The following DLG2 variants were observed in gnomAD, a reference collection of about 807,000 sequenced individuals.
DLG2 encodes discs large MAGUK scaffold protein 2, also known as disks large homolog 2.
DLG2 carries 45 observed loss-of-function variants against 132.5 expected under a neutral mutation model. The ratio of observed to expected loss-of-function variants is 0.34; its 90% CI spans 0.27 to 0.44. The LOEUF (loss-of-function observed/expected upper bound fraction) is 0.44. Ranked by LOEUF, DLG2 falls within the 20% of genes least tolerant of loss-of-function variation. The pLI, the probability that DLG2 is intolerant of heterozygous loss-of-function variation, is 1.00. For missense variants in DLG2, 1,045 were observed against 1,196.9 expected (o/e 0.87, Z 1.87); for synonymous variants, 424 against 419.6 (o/e 1.01, Z -0.13).
At chr11:83,882,694 G>A (rs2066618875) in intron 15 of DLG2, among the ~76,000 whole-genome samples, 1 of 152,118 alleles carries the variant, frequency 6.6e-6, no homozygotes, top group African/African-American at 2.4e-5. Context: ...AAGACATGCA[G>A]GCAGTTTTTT....
At chr11:83,681,060 A>C (rs2078702648) in intron 18 of DLG2, among the ~76,000 whole-genome samples, 1 of 152,204 alleles carries the variant, frequency 6.6e-6, no homozygotes. Context: ...TTGCCAGTGA[A>C]ATAAAGCAAA....
intron 6 of DLG2, among the ~76,000 whole-genome samples, chr11:84,719,012 A>G (rs1012351762): frequency 6.6e-6 from 1 of 152,230 alleles, no homozygotes; most frequent in Non-Finnish European, 1.5e-5. Flanking sequence ...CATGAAAGAC[A>G]TAACCAGAGA....
intron 14 of DLG2, among the ~76,000 whole-genome samples, chr11:83,958,995 T>C (rs981796951): frequency 1.3e-5 from 2 of 152,148 alleles, no homozygotes; most frequent in Non-Finnish European, 2.9e-5. Flanking sequence ...CAGTCTATAA[T>C]GCCTGAGACA....
At chr11:84,463,736 A>T (rs954316581) in intron 7 of DLG2, among the ~76,000 whole-genome samples, 4 of 151,200 alleles carry the variant, frequency 2.6e-5, no homozygotes, top group Non-Finnish European at 5.9e-5. Flanking sequence ...TGCTGGATGA[A>T]ACAAGGAATG....
intron 6 of DLG2, among the ~76,000 whole-genome samples, chr11:84,835,136 G>C (rs1347582662): frequency 6.6e-6 from 1 of 151,574 alleles, no homozygotes; most frequent in African/African-American, 2.4e-5. Context: ...TATTATTTAG[G>C]AAATTCTGTT....
chr11:83,682,028 G>C (rs994614419), intron 18 of DLG2: 2 of 579,030 alleles, frequency 3.5e-6, no homozygotes, highest in African/African-American at 4.1e-5. Context: ...TCGTTAAAAG[G>C]AAATTGTGGA....
intron 3 of DLG2, among the ~76,000 whole-genome samples, chr11:85,479,016 G>T (rs553424195): frequency 6.6e-6 from 1 of 152,100 alleles, no homozygotes; most frequent in Non-Finnish European, 1.5e-5. Context: ...TGAAGAAAAA[G>T]ATTTCTTAAG....
chr11:84,703,914 G>GTA (rs2059506214), intron 6 of DLG2, among the ~76,000 whole-genome samples: 2 of 141,474 alleles, frequency 1.4e-5, no homozygotes, highest in African/African-American at 5.4e-5. Context: ...GTGTGTGTGT[G>GTA]TGTATTTATA....
At chr11:84,690,606 T>C (rs2057921261) in intron 6 of DLG2, among the ~76,000 whole-genome samples, 2 of 151,950 alleles carry the variant, frequency 1.3e-5, no homozygotes, top group Admixed American at 1.3e-4. Flanking sequence ...TATCACTTAA[T>C]GGCAGCTATT....
At chr11:84,535,065 G>A (rs373431747) in intron 6 of DLG2, among the ~76,000 whole-genome samples, 1 of 152,174 alleles carries the variant, frequency 6.6e-6, no homozygotes, top group Non-Finnish European at 1.5e-5. Context: ...CCTGACCAGA[G>A]TAGCTAAGTA....
chr11:85,392,545 G>T (rs111890766), intron 3 of DLG2, among the ~76,000 whole-genome samples: 7 of 151,938 alleles, frequency 4.6e-5, no homozygotes, highest in Admixed American at 1.3e-4. Flanking sequence ...AAATCTGGAG[G>T]CATCATACTA....
At chr11:84,157,599 ACT>A (rs1458509005) in intron 9 of DLG2, among the ~76,000 whole-genome samples, 5 of 151,668 alleles carry the variant, frequency 3.3e-5, no homozygotes, top group Non-Finnish European at 5.9e-5. Flanking sequence ...TCTGGCTTTC[ACT>A]CTCTTTTACA....
intron 6 of DLG2, among the ~76,000 whole-genome samples, chr11:84,941,471 C>A (rs2049409708): frequency 6.6e-6 from 1 of 152,048 alleles, no homozygotes. Flanking sequence ...TTTTCAGCAT[C>A]AATTAAAAGG....
intron 11 of DLG2, among the ~76,000 whole-genome samples, chr11:84,013,297 G>A (rs78112541): frequency 0.021 from 3,244 of 152,158 alleles, 89 homozygotes; most frequent in African/African-American, 0.066. Context: ...ATGGCACTAA[G>A]CTTCTAGACT....
intron 6 of DLG2, among the ~76,000 whole-genome samples, chr11:84,665,198 C>T (rs1215230275): frequency 3.3e-5 from 5 of 152,120 alleles, no homozygotes; most frequent in Non-Finnish European, 7.4e-5. Flanking sequence ...GTTATCACAG[C>T]TGACCAACAC....
intron 7 of DLG2, among the ~76,000 whole-genome samples, chr11:84,310,701 T>G (rs996279492): frequency 6.6e-5 from 10 of 152,210 alleles, no homozygotes; most frequent in Non-Finnish European, 1.3e-4. Context: ...CAAGAAAGTC[T>G]TATTCTTCCT....
At chr11:85,372,127 G>A (rs556834864) in intron 3 of DLG2, among the ~76,000 whole-genome samples, 1 of 152,194 alleles carries the variant, frequency 6.6e-6, no homozygotes, top group Non-Finnish European at 1.5e-5. Context: ...AGCTCCGAAA[G>A]AACTAAAGGG....
chr11:84,662,517 C>T (rs1225907009), intron 6 of DLG2, among the ~76,000 whole-genome samples: 1 of 151,376 alleles, frequency 6.6e-6, no homozygotes, highest in East Asian at 2.0e-4. Context: ...GACATGGTGG[C>T]TCATGCCTAT....
At chr11:84,199,114 G>C (rs1297012282) in intron 8 of DLG2, among the ~76,000 whole-genome samples, 2 of 152,104 alleles carry the variant, frequency 1.3e-5, no homozygotes, top group Non-Finnish European at 2.9e-5. Flanking sequence ...GTGAAGATAG[G>C]CTTGAAAAGC....
Sources: allele counts gnomAD v4.1 joint callset (sites outside exome capture counted in the v4.1 genomes callset), GRCh38; gene constraint gnomAD v4.1.1; transcripts MANE v1.5; gene names NCBI Gene and HGNC (gene_info 2026-07-23, HGNC 2026-07-21).